KATNIP: variants seen among roughly 807,000 people sequenced by gnomAD.
KATNIP encodes katanin-interacting protein.
A neutral mutation model predicts 174.0 loss-of-function variants in KATNIP; 126 were observed. The ratio of observed to expected loss-of-function variants is 0.72; its 90% CI spans 0.63 to 0.84. The LOEUF is 0.84. KATNIP is among the 40% of genes least tolerant of loss of function. The pLI, the probability that KATNIP is intolerant of heterozygous loss-of-function variation, is 0.00. For synonymous variants in KATNIP, 810 were observed against 835.7 expected (o/e 0.97, Z 0.53); for missense variants, 1,958 against 2,109.7 (o/e 0.93, Z 1.41).
chr16:27,572,093 G>A (rs998165537), intron 1 of KATNIP, among the ~76,000 whole-genome samples: 1 of 151,752 alleles, frequency 6.6e-6, no homozygotes, highest in African/African-American at 2.4e-5. Flanking sequence ...ATATACCCCT[G>A]TCCCCACATA....
intron 1 of KATNIP, among the ~76,000 whole-genome samples, chr16:27,555,930 C>T (rs1214453318): frequency 6.6e-6 from 1 of 151,920 alleles, no homozygotes; most frequent in Non-Finnish European, 1.5e-5. Flanking sequence ...GAGTTCAAGA[C>T]CAGCCTGGCC....
At chr16:27,674,366 TAATAATAAAAAATAAAATCAAGGCATTG>T (rs1255573377) in intron 6 of KATNIP, among the ~76,000 whole-genome samples, 2 of 152,226 alleles carry the variant, frequency 1.3e-5, no homozygotes, top group Non-Finnish European at 2.9e-5. Flanking sequence ...ACTTAAAGTA[TAATAATAAAAAATAAAATCAAGGCATTG>T]GCGGGACTGC....
chr16:27,594,250 G>A (rs1054154964), intron 2 of KATNIP, among the ~76,000 whole-genome samples: 1 of 151,826 alleles, frequency 6.6e-6, no homozygotes, highest in African/African-American at 2.4e-5. Flanking sequence ...ACAGAGTGAG[G>A]CCCTATCTCA....
chr16:27,779,447 C>T lies in KATNIP; in HGVS notation c.*818C>T, dbSNP rs530404393. On this transcript the variant is annotated 3_prime_UTR_variant, in exon 28 of 28. Coordinates refer to ENST00000261588, the MANE Select transcript of KATNIP (RefSeq NM_015202.5). ...CAGACCCCAGAGGGCCAGAAGAACT[C>T]ACCCCAGTGCCCTCTGGATGCAGGT... is the stretch of plus-strand genomic sequence containing the variant. 6.6e-6 allele frequency: 1 copy of T among 152,474 alleles called. No individual in the cohort carries two copies. The highest frequency in any genetic ancestry group is 1.9e-4 in the East Asian group (1 of 5,184). The allele number at this position is 152,474 out of a possible 1,614,324, so 9.4% of individuals were successfully genotyped here.
rs77720639 is a variant in KATNIP, at chr16:27,574,971, TC to T, written c.63+1021del. On this transcript the variant is annotated intron_variant, in intron 2 of 27. Coordinates refer to ENST00000261588, the MANE Select transcript of KATNIP (RefSeq NM_015202.5). The stretch of plus-strand genomic sequence containing the variant: ...TGGCCATTCTTGAAATCCGCTACCT[TC>T]CCCCCTCCCCGCCTCTGAGCCCACC... Among the ~76,000 whole-genome samples, 4,830 of 151,596 alleles carry T rather than the reference TC, an allele frequency of 0.032. 490 individuals carry two copies. The East Asian group carries it at 0.33, about 10-fold the overall frequency.
chr16:27,721,673 G>T lies in KATNIP; in HGVS notation c.1721G>T (p.Arg574Leu). The change falls in exon 14 of 28, where the codon CGG becomes CTG. Residue 574 changes from arginine (R) to leucine (L), a missense_variant. Transcript: ENST00000261588. ...TTCCATCTGGCCAAGATCAAGGTTC[G>T]GAATTACTGGACAGCTGATGGCGTA... is the stretch of plus-strand genomic sequence containing the variant. ...GDFHLAKIKV[R>L]NYWTADGDLD... is the part of the protein sequence containing the mutation. 2.5e-6 allele frequency: 4 copies of T among 1,614,094 alleles called. No homozygotes were observed. The highest frequency in any genetic ancestry group is 3.4e-6 in the Non-Finnish European group (4 of 1,180,028).
intron 8 of KATNIP, among the ~76,000 whole-genome samples, chr16:27,690,315 CAGAT>C (rs3056270): frequency 0.14 from 18,416 of 128,550 alleles, 1,370 homozygotes; most frequent in Non-Finnish European, 0.17. Context: ...GACCCCATCT[CAGAT>C]AGATAGATAG....
intron 20 of KATNIP, among the ~76,000 whole-genome samples, chr16:27,769,129 C>T (rs2082215742): frequency 1.3e-5 from 2 of 152,224 alleles, no homozygotes; most frequent in African/African-American, 2.4e-5. Context: ...CTCAAATCCA[C>T]GTGAATCCTG....
chr16:27,662,139 G>A (rs2077547616), intron 6 of KATNIP, among the ~76,000 whole-genome samples: 1 of 132,952 alleles, frequency 7.5e-6, no homozygotes. Context: ...TCACTGTGTT[G>A]CCCTGGCTGG....
intron 6 of KATNIP, among the ~76,000 whole-genome samples, chr16:27,674,299 A>G (rs1289046227): frequency 1.3e-5 from 2 of 152,232 alleles, no homozygotes; most frequent in East Asian, 3.8e-4. Context: ...AATCAGTTTC[A>G]CTGGTCTAAA....
chr16:27,558,273 G>A (rs914883004), intron 1 of KATNIP, among the ~76,000 whole-genome samples: 1 of 152,106 alleles, frequency 6.6e-6, no homozygotes. Context: ...AGCCTCCTAA[G>A]TAGCTGGGAT....
chr16:27,575,487 A>G (rs1350145753), intron 2 of KATNIP, among the ~76,000 whole-genome samples: 1 of 152,222 alleles, frequency 6.6e-6, no homozygotes, highest in African/African-American at 2.4e-5. Flanking sequence ...AACACTGACC[A>G]ATCGAGAAAT....
chr16:27,671,713 C>T (rs142607565), intron 6 of KATNIP, among the ~76,000 whole-genome samples: 137 of 152,284 alleles, frequency 9.0e-4, no homozygotes, highest in Middle Eastern at 3.4e-3. Flanking sequence ...CATCCTTGTC[C>T]CACCTCCTAA....
chr16:27,708,695 C>T lies in KATNIP; in HGVS notation c.1390-10C>T, dbSNP rs1318891610. The T allele has an allele frequency of 3.8e-6, 6 of 1,598,392 alleles. No homozygotes were observed. The South Asian group carries it at 4.5e-5, about 12-fold the overall frequency. The stretch of plus-strand genomic sequence containing the variant: ...CTTAATCCTTTGGTGTTATTTTTCT[C>T]TTCTTTAAGGACAAACAGAGAATGA... On this transcript the variant is annotated splice_polypyrimidine_tract_variant and intron_variant, in intron 12 of 27. Transcript: ENST00000261588.
chr16:27,641,542 T>TGGGG (rs1054201694), intron 5 of KATNIP, among the ~76,000 whole-genome samples: 31 of 151,898 alleles, frequency 2.0e-4, no homozygotes, highest in African/African-American at 7.5e-4. Context: ...GGGCAGGAAG[T>TGGGG]GGGGAGCAAG....
At chr16:27,628,251 T>C (rs2076387757) in intron 3 of KATNIP, among the ~76,000 whole-genome samples, 1 of 152,238 alleles carries the variant, frequency 6.6e-6, no homozygotes, top group African/African-American at 2.4e-5. Context: ...AAACCCCTTT[T>C]TGTTACACAT....
At chr16:27,652,949 T>C (rs2077161677) in intron 6 of KATNIP, among the ~76,000 whole-genome samples, 1 of 152,020 alleles carries the variant, frequency 6.6e-6, no homozygotes, top group South Asian at 2.1e-4. Context: ...CCATAAGCGA[T>C]GATTATGCCA....
chr16:27,694,015 G>A (rs1383915738), intron 8 of KATNIP, among the ~76,000 whole-genome samples: 1 of 152,174 alleles, frequency 6.6e-6, no homozygotes. Flanking sequence ...CTCGGCCCCT[G>A]GCATTCAGTG....
intron 23 of KATNIP, 99 bp downstream of exon 23, chr16:27,773,308 C>G: frequency 1.3e-6 from 1 of 774,834 alleles, no homozygotes; most frequent in South Asian, 1.8e-5. Context: ...GGAAATGGCC[C>G]TCTAGGAACC....
Sources: gnomAD v4.1 joint callset for allele counts (sites outside exome capture counted in the v4.1 genomes callset) on GRCh38, gnomAD v4.1.1 for gene constraint, MANE v1.5 for transcripts, NCBI Gene and HGNC (gene_info 2026-07-23, HGNC 2026-07-21) for gene names.